ZNF335: variants seen among roughly 807,000 people sequenced by gnomAD.
ZNF335 encodes zinc finger protein 335, also known as NRC-interacting factor 1.
In ZNF335, 84 loss-of-function variants were observed where a neutral mutation model predicts 145.6. That is an observed-to-expected ratio of 0.58 (90% confidence interval 0.48 to 0.69). ZNF335 has a LOEUF of 0.69. Among genes scored for constraint, ZNF335 ranks in the 30% least tolerant of loss-of-function variants. The probability of loss-of-function intolerance (pLI) is 0.00; values close to 1 mark genes in which losing one functional copy is unlikely to be tolerated. For synonymous variants in ZNF335, 761 were observed against 717.0 expected (o/e 1.06, Z -0.98); for missense variants, 1,865 against 1,809.7 (o/e 1.03, Z -0.55).
intron 20 of ZNF335, 64 bp downstream of exon 20, chr20:45,952,083 G>A (rs2083643146): frequency 6.6e-7 from 1 of 1,526,134 alleles, no homozygotes; most frequent in Non-Finnish European, 8.8e-7. Flanking sequence ...CTCATTAAAG[G>A]TTTGTTATAC....
In ZNF335 at chr20:45,952,426, G is replaced by A. The variant is rs147367163; in HGVS notation, c.2910C>T (p.Asp970=). ...TGGCTGGAGATGGGGGCTCAGGGCC[G>A]TCTCTGGGCAGTCCCCCACACTGCA... The part of the protein sequence containing the change: ...PLLQCGGLPR[D]GPEPPSPAKT... The change falls in exon 20 of 28, where the codon GAC becomes GAT. Residue 970 remains aspartate, a synonymous_variant. Coordinates refer to ENST00000322927, the MANE Select transcript of ZNF335 (RefSeq NM_022095.4). 71 of 1,573,228 alleles carry A rather than the reference G, an allele frequency of 4.5e-5. No homozygotes were observed. Among genetic ancestry groups the A allele is most frequent in the African/African-American group, 4.2e-4 (31 of 74,196 alleles).
At chr20:45,951,767 C>A (rs939605750) in intron 20 of ZNF335, among the ~76,000 whole-genome samples, 23 of 152,166 alleles carry the variant, frequency 1.5e-4, no homozygotes, top group African/African-American at 5.6e-4. Flanking sequence ...GGGTTGGGCA[C>A]CCCTGTTCTA....
In ZNF335 at chr20:45,962,738, G is replaced by A. The variant is rs892732624; in HGVS notation, c.1534-556C>T. 4.6e-5 allele frequency among the ~76,000 whole-genome samples: 7 copies of A among 151,804 alleles called. No homozygotes were observed. The East Asian group carries it at 1.4e-3, about 29-fold the overall frequency. Reference sequence around the variant, plus strand: ...ATAAGGATTTAATTATCCAGTTACTGCATAAAAGGCTCAGGGCTGCTGCAG... The same window carrying A: ...ATAAGGATTTAATTATCCAGTTACTACATAAAAGGCTCAGGGCTGCTGCAG... On this transcript the variant is annotated intron_variant, in intron 9 of 27. Coordinates refer to ENST00000322927, the MANE Select transcript of ZNF335 (RefSeq NM_022095.4).
chr20:45,971,515 C>T (rs1236604434), intron 1 of ZNF335, 55 bp from the exon 2 acceptor site: 2 of 1,516,532 alleles, frequency 1.3e-6, no homozygotes, highest in African/African-American at 1.4e-5. Flanking sequence ...CCAGCCCCGG[C>T]AACCACGGCC....
At chr20:45,968,555 G>A (rs959882895) in intron 3 of ZNF335, 193 bp from the exon 4 acceptor site, 2 of 521,188 alleles carry the variant, frequency 3.8e-6, no homozygotes, top group Admixed American at 3.0e-5. Flanking sequence ...TGGAGGTCTA[G>A]TGTGACATGC....
intron 20 of ZNF335, among the ~76,000 whole-genome samples, chr20:45,951,939 G>T (rs1357826107): frequency 6.6e-6 from 1 of 152,234 alleles, no homozygotes; most frequent in African/African-American, 2.4e-5. Context: ...GGGACACTGT[G>T]TCTGGCATTA....
Position 45,963,899 on chromosome 20 carries a change from T to A in ZNF335, c.1194A>T (p.Gly398=), listed in dbSNP as rs538465592. Residue 398 remains glycine (G), a synonymous_variant, in exon 8 of 28, where the codon GGA becomes GGT. Coordinates refer to ENST00000322927, the MANE Select transcript of ZNF335 (RefSeq NM_022095.4). The part of the protein sequence containing the change: ...DPEAPSSSGP[G]HLVAMGKVSR... ...TCACCTTGCCCATGGCCACCAGGTG[T>A]CCTGGGCCTGAGGAGCTGGGAGCCT... 8 of 1,596,760 alleles carry A rather than the reference T, an allele frequency of 5.0e-6. No individual in the cohort carries two copies. In the South Asian group the frequency reaches 9.0e-5, roughly 18 times the overall value.
rs918870405 is a variant in ZNF335 at position 45,949,749 on chromosome 20, G to A, written c.3669+51C>T. On this transcript the variant is annotated intron_variant, in intron 24 of 27. Transcript: ENST00000322927. ...TCATTCCTCCCCAAGGTAGGTCTTT[G>A]GGAGGGTAGGAGGTCACAGCTGAGG... The A allele has an allele frequency of 2.5e-6, 4 of 1,601,622 alleles. No individual in the cohort carries two copies. In the African/African-American group the frequency reaches 5.4e-5, roughly 21 times the overall value.
At chr20:45,965,551 G>C in intron 7 of ZNF335, 77 bp downstream of exon 7, 1 of 1,515,654 alleles carries the variant, frequency 6.6e-7, no homozygotes, top group Non-Finnish European at 8.8e-7. Flanking sequence ...TCAGTCCCCA[G>C]AACTCCACAG....
rs200221426 is a variant in ZNF335, at chr20:45,950,291, G to A, written c.3415C>T (p.Arg1139Trp). 4.5e-5 allele frequency: 70 copies of A among 1,561,388 alleles called. No homozygotes were observed. The highest frequency in any genetic ancestry group is 1.8e-4 in the East Asian group (8 of 44,434). Residue 1139 changes from arginine to tryptophan, a missense_variant, in exon 22 of 28, where the codon CGG becomes TGG. Transcript: ENST00000322927. ...TGGGTTGGGGTCTGGGTAGGGGCCCGGGCTGTAGGGGTTCCTGACTTCCTC... is the reference window on the plus strand; with the variant it reads ...TGGGTTGGGGTCTGGGTAGGGGCCCAGGCTGTAGGGGTTCCTGACTTCCTC... ...DGRKSGTPTA[R>W]APTQTPTQTI...
Position 45,965,907 on chromosome 20 carries a change from G to A in ZNF335, c.956-133C>T, listed in dbSNP as rs2083944159. ...CCCACAGCGATGCCTCCTCCAGAAA[G>A]CCCTCCTGATCTCCTCTGGCTGACT... On this transcript the variant is annotated intron_variant, in intron 6 of 27. Coordinates refer to ENST00000322927, the MANE Select transcript of ZNF335 (RefSeq NM_022095.4). 39 of 1,115,168 alleles carry A rather than the reference G, an allele frequency of 3.5e-5. 2 individuals carry two copies. In the South Asian group the frequency reaches 5.8e-4, roughly 17 times the overall value. 69.1% of individuals were successfully genotyped at this position (1,115,168 alleles called of 1,614,324 possible).
chr20:45,971,305 A>G lies in ZNF335; in HGVS notation c.106T>C (p.Ser36Pro). 6.3e-7 allele frequency: 1 copy of G among 1,593,158 alleles called. No homozygotes were observed. Among genetic ancestry groups the G allele is most frequent in the Non-Finnish European group, 8.5e-7 (1 of 1,176,524 alleles). ...GLGVGTSEAV[S>P]ADSSDAAAAP... is the part of the protein sequence containing the mutation. ...GCCGCGGCGTCGCTGCTGTCGGCGG[A>G]CACGGCTTCTGAGGTGCCCACACCC... The change falls in exon 2 of 28, where the codon TCC (serine) becomes CCC (proline). Residue 36 changes from serine (S) to proline (P), a missense_variant. Ser to Pro is a moderately conservative substitution (Grantham distance 74). Transcript: ENST00000322927.
intron 10 of ZNF335, 52 bp downstream of exon 10, chr20:45,962,018 C>G: frequency 5.0e-5 from 53 of 1,055,072 alleles, no homozygotes; most frequent in South Asian, 6.4e-5. Context: ...GCCTCCACTT[C>G]CCCACCCAAC....
At chr20:45,964,312 T>C in intron 7 of ZNF335, 1 of 258,780 alleles carries the variant, frequency 3.9e-6, no homozygotes, top group East Asian at 6.9e-5. Context: ...AAGCCATTCC[T>C]CTCCCGGAGT....
intron 12 of ZNF335, 30 bp from the exon 13 acceptor site, chr20:45,960,555 G>C (rs779895483): frequency 1.2e-6 from 2 of 1,613,742 alleles, no homozygotes; most frequent in East Asian, 2.2e-5. Flanking sequence ...GTGAGATGGC[G>C]ATCACCCTCC....
At position 45,953,803 on chromosome 20, in the gene ZNF335, G is replaced by A; in HGVS notation, c.2588C>T (p.Pro863Leu). The A allele has an allele frequency of 1.2e-6, 2 of 1,614,150 alleles. No individual in the cohort carries two copies. Among genetic ancestry groups the A allele is most frequent in the Non-Finnish European group, 8.5e-7 (1 of 1,180,036 alleles). ...CAGGGTGATCTGCGGTAGGTCAGGA[G>A]GGCCTAGCTGGCTCTCGGCTGCTGC... ...GGAAAESQLG[P>L]PDLPQITLAP... Residue 863 changes from proline to leucine, a missense_variant, in exon 18 of 28, where the codon CCT becomes CTT. Physicochemically the swap from Pro to Leu is moderately conservative, Grantham distance 98. Coordinates refer to ENST00000322927, the MANE Select transcript of ZNF335 (RefSeq NM_022095.4).
At chr20:45,962,041 GC>G in intron 10 of ZNF335, 28 bp downstream of exon 10, 1 of 669,940 alleles carries the variant, frequency 1.5e-6, no homozygotes, top group Non-Finnish European at 2.6e-6. Flanking sequence ...GGCCTCTCTT[GC>G]CCAGGTCCCT....
rs368214170 is a variant in ZNF335, at chr20:45,969,477, G to C, written c.416C>G (p.Ser139Cys). ...LGSAIDKIIE[S>C]TIGPDLIQNC... ...CTGGATGAGGTCGGGCCCGATGGTG[G>C]ACTCGATGATCTTGTCGATGGCCGA... The change falls in exon 3 of 28, where the codon TCC becomes TGC. Residue 139 changes from serine (S) to cysteine (C), a missense_variant. Coordinates refer to ENST00000322927, the MANE Select transcript of ZNF335 (RefSeq NM_022095.4). 72 of 1,555,806 alleles carry C rather than the reference G, an allele frequency of 4.6e-5. No homozygotes were observed. The highest frequency in any genetic ancestry group is 5.6e-5 in the Non-Finnish European group (64 of 1,140,822).
intron 17 of ZNF335, among the ~76,000 whole-genome samples, chr20:45,955,856 G>A (rs905768370): frequency 2.0e-5 from 3 of 151,954 alleles, no homozygotes; most frequent in Non-Finnish European, 2.9e-5. Context: ...GAAAATATAT[G>A]TACAGTGAAG....
Sources: allele counts gnomAD v4.1 joint callset (sites outside exome capture counted in the v4.1 genomes callset), GRCh38; gene constraint gnomAD v4.1.1; transcripts MANE v1.5; gene names NCBI Gene and HGNC (gene_info 2026-07-23, HGNC 2026-07-21).